Variants in MIA3 observed in about 807,000 individuals in gnomAD.
MIA3 encodes the protein transport and Golgi organization protein 1 homolog.
Under a neutral mutation model 192.4 loss-of-function variants are expected in MIA3, and 90 were observed. The observed-to-expected ratio is 0.47, with a 90% CI of 0.39 to 0.56. The LOEUF is 0.56. MIA3 is among the 20% of genes least tolerant of loss of function. MIA3 has a pLI of 0.00. For synonymous variants in MIA3, 740 were observed against 792.8 expected (o/e 0.93, Z 1.12); for missense variants, 2,123 against 2,269.4 (o/e 0.94, Z 1.31).
At position 222,662,876 on chromosome 1, in the gene MIA3, C is replaced by A. The variant is rs191649792; in HGVS notation, c.5262+544C>A. 1.5e-3 allele frequency: 240 copies of A among 155,742 alleles called. 1 individual carries two copies. The highest frequency in any genetic ancestry group is 3.8e-3 in the South Asian group (20 of 5,238). 9.6% of individuals were successfully genotyped at this position (155,742 alleles called of 1,614,324 possible). ...CTAGGCAAACCCTATTTTGAATGAT[C>A]TGAAATTACAGATTGATAACAGAAG... is the stretch of plus-strand genomic sequence containing the variant. On this transcript the variant is annotated intron_variant, in intron 26 of 27. Coordinates refer to ENST00000344922, the MANE Select transcript of MIA3 (RefSeq NM_198551.4).
chr1:222,652,362 T>A, intron 13 of MIA3, 30 bp downstream of exon 13: 1 of 1,422,970 alleles, frequency 7.0e-7, no homozygotes, highest in Non-Finnish European at 9.9e-7. Flanking sequence ...CCAGGTCATG[T>A]AAAATAGAGA....
intron 6 of MIA3, chr1:222,644,276 T>C: frequency 7.2e-7 from 1 of 1,387,454 alleles, no homozygotes; most frequent in Non-Finnish European, 9.4e-7. Context: ...TTTGGTGCCT[T>C]GAGGTGCGCC....
chr1:222,633,228 C>T lies in MIA3; in HGVS notation c.3456C>T (p.Phe1152=), dbSNP rs759369745. The part of the protein sequence containing the change: ...LENAILLIYS[F]MFYLTKSLVA... ...ACGCAATCCTTCTAATATATTCATT[C>T]ATGTTTTATTTAACTAAGTCGGTAA... is the stretch of plus-strand genomic sequence containing the variant. The change falls in exon 6 of 28, where the codon TTC becomes TTT. Residue 1152 remains phenylalanine, a synonymous_variant. Transcript: ENST00000344922. 1 of 1,606,632 alleles carries T rather than the reference C, an allele frequency of 6.2e-7. No individual in the cohort carries two copies.
intron 5 of MIA3, among the ~76,000 whole-genome samples, chr1:222,632,529 A>T (rs1313365575): frequency 1.3e-5 from 2 of 152,182 alleles, no homozygotes; most frequent in African/African-American, 4.8e-5. Flanking sequence ...TAACCTACAA[A>T]CCAATGTTTG....
rs762779712 is a variant in MIA3, at chr1:222,629,869, A to G, written c.2649A>G (p.Thr883=). Residue 883 remains threonine, a synonymous_variant, in exon 4 of 28, where the codon ACA becomes ACG. Transcript: ENST00000344922. ...TCTCAAAAGAGGACCATGAGAACAC[A>G]GAGAAGTACATGGGCACAGAAAGCC... The part of the protein sequence containing the change: ...GELSKEDHEN[T]EKYMGTESQG... 1 of 1,613,732 alleles carries G rather than the reference A, an allele frequency of 6.2e-7. No individual in the cohort carries two copies. Among genetic ancestry groups the G allele is most frequent in the Non-Finnish European group, 8.5e-7 (1 of 1,179,978 alleles).
Position 222,665,366 on chromosome 1 carries a change from G to C in MIA3, c.5471G>C (p.Gly1824Ala). Residue 1824 changes from glycine (G) to alanine (A), a missense_variant, in exon 28 of 28, where the codon GGA (glycine) becomes GCA (alanine). This residue lies in a region of MIA3 where 762 missense variants were observed against 856.4 expected (regional missense o/e 0.89). Transcript: ENST00000344922. ...GAATTTGCACCAGGCGTTCCACCAG[G>C]AAGACGGGACCTGCCTCTCCACCCT... The part of the protein sequence containing the change: ...LREFAPGVPP[G>A]RRDLPLHPRG... 1 of 1,613,978 alleles carries C rather than the reference G, an allele frequency of 6.2e-7. No individual in the cohort carries two copies.
intron 18 of MIA3, among the ~76,000 whole-genome samples, chr1:222,656,928 C>T (rs935373436): frequency 6.6e-6 from 1 of 152,154 alleles, no homozygotes; most frequent in South Asian, 2.1e-4. Flanking sequence ...TTGACTTGTA[C>T]TTCCTTCAAT....
chr1:222,618,304 C>G (rs3008609), intron 1 of MIA3, 61 bp downstream of exon 1: 1 of 1,280,324 alleles, frequency 7.8e-7, no homozygotes. Context: ...TCCGCCGGCC[C>G]CGGGGGTCTC....
chr1:222,655,784 C>T (rs933705297), intron 18 of MIA3, among the ~76,000 whole-genome samples: 4 of 152,016 alleles, frequency 2.6e-5, no homozygotes, highest in Admixed American at 6.6e-5. Flanking sequence ...TGTTTTTCTT[C>T]GTGATACAGT....
intron 8 of MIA3, 102 bp from the exon 9 acceptor site, chr1:222,650,190 T>C (rs1178841567): frequency 6.7e-6 from 5 of 746,290 alleles, no homozygotes; most frequent in Non-Finnish European, 1.2e-5. Context: ...AGAAGTTATT[T>C]TTTGTCATAG....
chr1:222,628,365 C>A lies in MIA3; in HGVS notation c.1145C>A (p.Thr382Asn), dbSNP rs1258204210. The A allele has an allele frequency of 6.2e-7, 1 of 1,613,882 alleles. No homozygotes were observed. Among genetic ancestry groups the A allele is most frequent in the South Asian group, 1.1e-5 (1 of 91,034 alleles). Residue 382 changes from threonine (T) to asparagine (N), a missense_variant, in exon 4 of 28, where the codon ACC becomes AAC. This residue lies in a region of MIA3 where 1,357 missense variants were observed against 1,396.1 expected (regional missense o/e 0.97). Coordinates refer to ENST00000344922, the MANE Select transcript of MIA3 (RefSeq NM_198551.4). ...AATGATGATAAAAATATACTAACAA[C>A]CTGGGGGGACACTATCTTCTCTATT... is the stretch of plus-strand genomic sequence containing the variant. Reference protein sequence around the residue: ...IKNDDKNILTTWGDTIFSIVT... With the variant: ...IKNDDKNILTNWGDTIFSIVT...
Position 222,629,437 on chromosome 1 carries a change from A to G in MIA3, c.2217A>G (p.Ala739=). 2 of 1,614,208 alleles carry G rather than the reference A, an allele frequency of 1.2e-6. No homozygotes were observed. Among genetic ancestry groups the G allele is most frequent in the Non-Finnish European group, 1.7e-6 (2 of 1,180,036 alleles). Residue 739 remains alanine, a synonymous_variant, in exon 4 of 28, where the codon GCA becomes GCG. Coordinates refer to ENST00000344922, the MANE Select transcript of MIA3 (RefSeq NM_198551.4). ...TAGAGGATGAAAACGCTATAAATGCAAAACGGTCTAAAGAAAAAAACCCTG... is the reference window on the plus strand; with the variant it reads ...TAGAGGATGAAAACGCTATAAATGCGAAACGGTCTAAAGAAAAAAACCCTG... ...ELLEDENAIN[A]KRSKEKNPGN... is the part of the protein sequence containing the mutation.
Position 222,628,843 on chromosome 1 carries a change from C to T in MIA3, c.1623C>T (p.His541=), listed in dbSNP as rs149965966. The T allele has an allele frequency of 8.6e-5, 139 of 1,614,042 alleles. 1 individual carries two copies. In the African/African-American group the frequency reaches 1.1e-3, roughly 13 times the overall value. The change falls in exon 4 of 28, where the codon CAC becomes CAT. Residue 541 remains histidine, a synonymous_variant. Transcript: ENST00000344922. ...AAIHISKGML[H]EEKPGEQILE... ...TTCATATCTCAAAAGGAATGCTCCACGAAGAAAAGCCTGGAGAGCAGATTT... is the reference window on the plus strand; with the variant it reads ...TTCATATCTCAAAAGGAATGCTCCATGAAGAAAAGCCTGGAGAGCAGATTT...
At position 222,618,230 on chromosome 1, in the gene MIA3, C is replaced by A; in HGVS notation, c.120C>A (p.Asp40Glu). The change falls in exon 1 of 28, where the codon GAC becomes GAA. Residue 40 changes from aspartate to glutamate, a missense_variant. This residue lies in a region of MIA3 where 1,357 missense variants were observed against 1,396.1 expected (regional missense o/e 0.97). Coordinates refer to ENST00000344922, the MANE Select transcript of MIA3 (RefSeq NM_198551.4). ...RRFSEHKLCA[D>E]DECSMLMYRG... The stretch of plus-strand genomic sequence containing the variant: ...TCTCGGAGCACAAACTCTGCGCGGA[C>A]GACGAATGCAGCAGTGAGTGCGCTG... 6.7e-7 allele frequency: 1 copy of A among 1,484,096 alleles called. No individual in the cohort carries two copies. The highest frequency in any genetic ancestry group is 3.0e-5 in the East Asian group (1 of 33,706). 91.9% of individuals were successfully genotyped at this position (1,484,096 alleles called of 1,614,324 possible). A position where few individuals can be genotyped will look rare whatever the true frequency, so the allele number is the denominator to read the frequency against.
At chr1:222,632,117 GGTA>G (rs762369350) in intron 4 of MIA3, 45 bp from the exon 5 acceptor site, 1 of 1,580,304 alleles carries the variant, frequency 6.3e-7, no homozygotes, top group South Asian at 1.2e-5. Context: ...TAGCCTAACA[GGTA>G]GTGTCATCAA....
chr1:222,645,112 C>T (rs1214369683), intron 6 of MIA3, among the ~76,000 whole-genome samples: 5 of 152,122 alleles, frequency 3.3e-5, no homozygotes, highest in Non-Finnish European at 5.9e-5. Flanking sequence ...AGGAATAAAA[C>T]GTTATTTGTG....
In MIA3 at chr1:222,628,459, A is replaced by T. The variant is rs757543272; in HGVS notation, c.1239A>T (p.Glu413Asp). The T allele has an allele frequency of 1.4e-5, 22 of 1,612,390 alleles. No homozygotes were observed. The highest frequency in any genetic ancestry group is 2.2e-5 in the South Asian group (2 of 90,690). ...LESSSSEEEK[E>D]DDDDALVPDS... ...GCTCTAGTTCAGAGGAAGAAAAAGA[A>T]GATGATGATGATGCATTAGTCCCAG... The change falls in exon 4 of 28, where the codon GAA becomes GAT. Residue 413 changes from glutamate (E) to aspartate (D), a missense_variant. Transcript: ENST00000344922.
At chr1:222,652,804 A>G (rs1663512326) in intron 13 of MIA3, among the ~76,000 whole-genome samples, 1 of 152,198 alleles carries the variant, frequency 6.6e-6, no homozygotes. Context: ...AATAAACAAG[A>G]TCAATTTCCT....
rs959065658 is a variant in MIA3 at position 222,662,054 on chromosome 1, A to G, written c.5114-2A>G. 2 of 1,612,508 alleles carry G rather than the reference A, an allele frequency of 1.2e-6. No individual in the cohort carries two copies. Among genetic ancestry groups the G allele is most frequent in the African/African-American group, 2.7e-5 (2 of 74,854 alleles). On this transcript the variant is annotated splice_acceptor_variant, in intron 24 of 27. Transcript: ENST00000344922. LOFTEE classifies it high-confidence loss of function. ...TAAGGACTCTGTTATTTCTTTCTCA[A>G]GGATCAGTGGACGGGCCTCTACCTC...
Sources: gnomAD v4.1 joint callset for allele counts (sites outside exome capture counted in the v4.1 genomes callset) on GRCh38, gnomAD v4.1.1 for gene constraint, gnomAD v4.1.1 regional missense constraint, MANE v1.5 for transcripts, NCBI Gene and HGNC (gene_info 2026-07-23, HGNC 2026-07-21) for gene names.